The following GPC5 variants were observed in gnomAD, a reference collection of about 807,000 sequenced individuals.
The protein encoded by GPC5 is glypican 5.
In GPC5, 47 loss-of-function variants were observed where a neutral mutation model predicts 53.9. The ratio of observed to expected loss-of-function variants is 0.87; its 90% CI spans 0.69 to 1.11. The LOEUF (loss-of-function observed/expected upper bound fraction) is 1.11, where lower values mean the gene tolerates loss of function less well. Among genes scored for constraint, GPC5 ranks in the 50% most tolerant of loss-of-function variants. The pLI, the probability that GPC5 is intolerant of heterozygous loss-of-function variation, is 0.00. For synonymous variants in GPC5, 286 were observed against 263.3 expected (o/e 1.09, Z -0.84); for missense variants, 748 against 713.1 (o/e 1.05, Z -0.56).
chr13:91,449,788 T>C (rs1881063025), intron 2 of GPC5, among the ~76,000 whole-genome samples: 1 of 152,182 alleles, frequency 6.6e-6, no homozygotes, highest in Admixed American at 6.5e-5. Context: ...TTTCTTATTT[T>C]AGTCATCTCT....
chr13:92,680,806 A>G (rs1254960306), intron 7 of GPC5, among the ~76,000 whole-genome samples: 2 of 152,174 alleles, frequency 1.3e-5, no homozygotes, highest in Non-Finnish European at 2.9e-5. Flanking sequence ...TCTGACCCAT[A>G]AACGCAACGG....
chr13:92,096,252 C>A (rs776968970), intron 6 of GPC5, among the ~76,000 whole-genome samples: 10 of 152,228 alleles, frequency 6.6e-5, no homozygotes, highest in Non-Finnish European at 1.2e-4. Context: ...TAACTCTCCC[C>A]CTTAGGGTTT....
intron 7 of GPC5, among the ~76,000 whole-genome samples, chr13:92,220,637 T>C (rs2042442115): frequency 6.6e-6 from 1 of 152,096 alleles, no homozygotes; most frequent in African/African-American, 2.4e-5. Context: ...GAAAATAATA[T>C]TTTTTCCTAT....
intron 2 of GPC5, among the ~76,000 whole-genome samples, chr13:91,482,850 A>G (rs899800352): frequency 1.3e-5 from 2 of 148,678 alleles, no homozygotes; most frequent in Admixed American, 6.7e-5. Context: ...TGACTCTTGC[A>G]TATGAGAATG....
chr13:92,557,378 A>G (rs1157899775), intron 7 of GPC5, among the ~76,000 whole-genome samples: 1 of 151,948 alleles, frequency 6.6e-6, no homozygotes, highest in African/African-American at 2.4e-5. Flanking sequence ...GCCTTTTTAT[A>G]AGATCAAACT....
intron 7 of GPC5, among the ~76,000 whole-genome samples, chr13:92,192,785 T>C (rs1296935411): frequency 1.3e-5 from 2 of 152,234 alleles, no homozygotes; most frequent in Admixed American, 1.3e-4. Context: ...CAAATAAGTT[T>C]AATACCATTA....
intron 6 of GPC5, among the ~76,000 whole-genome samples, chr13:91,926,155 A>G (rs761158364): frequency 7.2e-5 from 11 of 151,862 alleles, no homozygotes; most frequent in Non-Finnish European, 1.2e-4. Flanking sequence ...AGGTCAGGAG[A>G]TCAAGACCAT....
chr13:92,247,731 C>A (rs185932731), intron 7 of GPC5, among the ~76,000 whole-genome samples: 1 of 151,988 alleles, frequency 6.6e-6, no homozygotes, highest in Non-Finnish European at 1.5e-5. Context: ...TTGGTTTCAT[C>A]CTATGTTTAA....
chr13:92,123,876 G>C (rs1434736523), intron 6 of GPC5, among the ~76,000 whole-genome samples: 8 of 151,986 alleles, frequency 5.3e-5, no homozygotes, highest in African/African-American at 1.7e-4. Context: ...ACCTTATTTA[G>C]GTGTACCTTT....
Position 92,556,516 on chromosome 13 carries a change from G to A in GPC5, c.1562-309766G>A, listed in dbSNP as rs137987892. Among the ~76,000 whole-genome samples, 27 of 151,814 alleles carry A rather than the reference G, an allele frequency of 1.8e-4. No individual in the cohort carries two copies. The East Asian group carries it at 4.5e-3, about 25-fold the overall frequency. ...CATGATGTGACAGGCTGTATGTAGAGACCCAAGGTACGCAGTTGCAATCTT... is the reference window on the plus strand; with the variant it reads ...CATGATGTGACAGGCTGTATGTAGAAACCCAAGGTACGCAGTTGCAATCTT... On this transcript the variant is annotated intron_variant, in intron 7 of 7. Transcript: ENST00000377067.
chr13:91,991,857 C>CGT (rs1555302945), intron 6 of GPC5, among the ~76,000 whole-genome samples: 5 of 151,614 alleles, frequency 3.3e-5, no homozygotes, highest in Non-Finnish European at 7.4e-5. Flanking sequence ...CCTGCAAAAT[C>CGT]GCTACATTTT....
intron 5 of GPC5, among the ~76,000 whole-genome samples, chr13:91,836,725 A>G (rs1283786844): frequency 1.3e-5 from 2 of 151,912 alleles, no homozygotes; most frequent in Admixed American, 1.3e-4. Context: ...TCATATTTAC[A>G]CTCACATCCT....
intron 7 of GPC5, among the ~76,000 whole-genome samples, chr13:92,276,552 T>C (rs959959580): frequency 2.0e-5 from 3 of 152,120 alleles, no homozygotes; most frequent in African/African-American, 7.2e-5. Context: ...AGGTGACCAT[T>C]ACATTTTCCT....
rs192021911 is a variant in GPC5 at position 92,701,243 on chromosome 13, A to G, written c.1562-165039A>G. 2.0e-5 allele frequency: 3 copies of G among 152,244 alleles called. No individual in the cohort carries two copies. In the East Asian group the frequency reaches 5.8e-4, roughly 29 times the overall value. 9.4% of individuals were successfully genotyped at this position (152,244 alleles called of 1,614,324 possible). A position where few individuals can be genotyped will look rare whatever the true frequency, so the allele number is the denominator to read the frequency against. ...CCATAAAAGGAAATAAGTCATACAA[A>G]GAAATAACCCTGGATCTAAAATGCT... On this transcript the variant is annotated intron_variant, in intron 7 of 7. Transcript: ENST00000377067.
At chr13:91,945,253 G>A (rs780311780) in intron 6 of GPC5, among the ~76,000 whole-genome samples, 11 of 152,222 alleles carry the variant, frequency 7.2e-5, no homozygotes, top group Admixed American at 4.6e-4. Flanking sequence ...TTGGGGTTCA[G>A]TCCCCCTTGT....
chr13:91,550,937 A>G (rs1385428398), intron 2 of GPC5, among the ~76,000 whole-genome samples: 1 of 152,122 alleles, frequency 6.6e-6, no homozygotes, highest in Non-Finnish European at 1.5e-5. Context: ...CATAATTGTG[A>G]GGCCTTCCCA....
chr13:92,013,728 G>A (rs7983259), intron 6 of GPC5, among the ~76,000 whole-genome samples: 60,967 of 151,738 alleles, frequency 0.4, 12,967 homozygotes, highest in Admixed American at 0.5. Context: ...CAGCAATAAC[G>A]TACCCAACTT....
intron 7 of GPC5, among the ~76,000 whole-genome samples, chr13:92,368,416 G>A (rs1169960223): frequency 2.6e-5 from 4 of 151,436 alleles, no homozygotes; most frequent in Admixed American, 6.6e-5. Context: ...GGCTGAGGCA[G>A]AAGGATCACT....
intron 3 of GPC5, among the ~76,000 whole-genome samples, chr13:91,694,491 G>A (rs1185940627): frequency 6.6e-6 from 1 of 152,178 alleles, no homozygotes; most frequent in East Asian, 1.9e-4. Context: ...CACGGTCATG[G>A]TGTTTTATTC....
Sources: allele counts gnomAD v4.1 joint callset (sites outside exome capture counted in the v4.1 genomes callset), GRCh38; gene constraint gnomAD v4.1.1; transcripts MANE v1.5; gene names NCBI Gene and HGNC (gene_info 2026-07-23, HGNC 2026-07-21).